The following SLC26A7 variants were observed in gnomAD, a reference collection of about 807,000 sequenced individuals.
The protein encoded by SLC26A7 is anion exchange transporter.
SLC26A7 carries 59 observed loss-of-function variants against 82.5 expected under a neutral mutation model. The observed-to-expected ratio is 0.72, with a 90% CI of 0.58 to 0.89. SLC26A7 has a LOEUF of 0.89. SLC26A7 is among the 40% of genes least tolerant of loss of function. SLC26A7 has a pLI of 0.00. For missense variants in SLC26A7, 820 were observed against 793.0 expected (o/e 1.03, Z -0.41); for synonymous variants, 271 against 274.3 (o/e 0.99, Z 0.12).
intron 2 of SLC26A7, among the ~76,000 whole-genome samples, chr8:91,232,023 T>G (rs1356970007): frequency 6.6e-6 from 1 of 152,182 alleles, no homozygotes; most frequent in Non-Finnish European, 1.5e-5. Context: ...GTGTGTAATA[T>G]AACAAAGACT....
At position 91,366,601 on chromosome 8, in the gene SLC26A7, A is replaced by C. The variant is rs760054849; in HGVS notation, c.1510A>C (p.Ile504Leu). The part of the protein sequence containing the change: ...MDSETLQQVK[I>L]ISINNPLVFL... The stretch of plus-strand genomic sequence containing the variant: ...AAAGGAAACCCTGCAGCAGGTGAAA[A>C]TTATCTCAATAAACAACCCGCTTGT... The change falls in exon 14 of 19, where the codon ATT becomes CTT. Residue 504 changes from isoleucine (I) to leucine (L), a missense_variant. Ile to Leu is a conservative substitution (Grantham distance 5, BLOSUM62 2). Coordinates refer to ENST00000276609, the MANE Select transcript of SLC26A7 (RefSeq NM_052832.4). The C allele has an allele frequency of 5.0e-6, 8 of 1,613,000 alleles. No homozygotes were observed. The East Asian group carries it at 1.8e-4, about 36-fold the overall frequency.
intron 1 of SLC26A7, among the ~76,000 whole-genome samples, chr8:91,211,616 A>ATATAT (rs1554597817): frequency 1.9e-4 from 26 of 137,532 alleles, no homozygotes; most frequent in African/African-American, 7.0e-4. Flanking sequence ...ATATATATAT[A>ATATAT]TTTTTTTTTT....
intron 2 of SLC26A7, among the ~76,000 whole-genome samples, chr8:91,284,237 G>A (rs1341363856): frequency 1.3e-5 from 2 of 152,120 alleles, no homozygotes; most frequent in Non-Finnish European, 2.9e-5. Context: ...TAGATCATCT[G>A]GGAAGAGGCA....
chr8:91,363,070 A>G (rs1349339343), intron 12 of SLC26A7, among the ~76,000 whole-genome samples: 2 of 152,066 alleles, frequency 1.3e-5, no homozygotes, highest in Non-Finnish European at 2.9e-5. Flanking sequence ...ATGTTGTTTT[A>G]TCTCTATAGA....
chr8:91,266,373 G>T (rs1204140727), intron 2 of SLC26A7, among the ~76,000 whole-genome samples: 1 of 151,516 alleles, frequency 6.6e-6, no homozygotes, highest in Non-Finnish European at 1.5e-5. Context: ...ATGAACATGG[G>T]ATGCCTTTTA....
intron 11 of SLC26A7, among the ~76,000 whole-genome samples, chr8:91,357,020 T>A (rs1813889021): frequency 6.6e-6 from 1 of 152,152 alleles, no homozygotes; most frequent in Admixed American, 6.5e-5. Flanking sequence ...CCATTCTTCA[T>A]CTTGTTTTAC....
chr8:91,213,112 T>C (rs1043312372), intron 1 of SLC26A7, among the ~76,000 whole-genome samples: 2 of 152,118 alleles, frequency 1.3e-5, no homozygotes, highest in Non-Finnish European at 2.9e-5. Flanking sequence ...ATGTTGAAAA[T>C]TCCTTGTGAA....
chr8:91,367,332 A>T (rs1814225412), intron 14 of SLC26A7, among the ~76,000 whole-genome samples: 1 of 152,196 alleles, frequency 6.6e-6, no homozygotes, highest in African/African-American at 2.4e-5. Flanking sequence ...TTTAAACAAA[A>T]AAGGCATTAG....
chr8:91,280,681 T>C, intron 2 of SLC26A7, among the ~76,000 whole-genome samples: 1 of 152,068 alleles, frequency 6.6e-6, no homozygotes, highest in East Asian at 1.9e-4. Context: ...TTCCCCTACT[T>C]TTTTTTTCTC....
In SLC26A7 at chr8:91,295,566, G is replaced by T. The variant is rs763579870; in HGVS notation, c.340G>T (p.Ala114Ser). 1 of 1,613,806 alleles carries T rather than the reference G, an allele frequency of 6.2e-7. No individual in the cohort carries two copies. The highest frequency in any genetic ancestry group is 8.5e-7 in the Non-Finnish European group (1 of 1,179,818). ...FALTSLISANAVERIVPQNMQ... is the reference protein window; with the variant it reads ...FALTSLISANSVERIVPQNMQ... ...CTTGACATCCTTAATATCAGCCAAC[G>T]CCGTGGAACGGATTGTCCCTCAGAA... Residue 114 changes from alanine to serine, a missense_variant, in exon 4 of 19, where the codon GCC becomes TCC. Transcript: ENST00000276609.
intron 15 of SLC26A7, among the ~76,000 whole-genome samples, chr8:91,379,041 G>A (rs537175557): frequency 6.6e-6 from 1 of 151,584 alleles, no homozygotes; most frequent in Non-Finnish European, 1.5e-5. Flanking sequence ...ATACATAAAA[G>A]CTACCATTTA....
chr8:91,328,832 G>A (rs970948954), intron 5 of SLC26A7, among the ~76,000 whole-genome samples: 9 of 152,044 alleles, frequency 5.9e-5, no homozygotes, highest in African/African-American at 1.9e-4. Context: ...ATAATGAGAA[G>A]CAGTACATGT....
chr8:91,335,853 C>T (rs373915145), intron 6 of SLC26A7, among the ~76,000 whole-genome samples: 2 of 152,238 alleles, frequency 1.3e-5, no homozygotes, highest in East Asian at 3.9e-4. Flanking sequence ...TTTTCCTAGT[C>T]GTTTATGTTC....
intron 2 of SLC26A7, among the ~76,000 whole-genome samples, chr8:91,276,750 A>T (rs1811417206): frequency 1.3e-5 from 2 of 152,182 alleles, no homozygotes; most frequent in Non-Finnish European, 2.9e-5. Context: ...TCTCAGACAA[A>T]GCCATAAACT....
chr8:91,215,880 C>T (rs1053884160), intron 1 of SLC26A7, among the ~76,000 whole-genome samples: 4 of 152,044 alleles, frequency 2.6e-5, no homozygotes, highest in Non-Finnish European at 4.4e-5. Flanking sequence ...GGACATATGT[C>T]GTACCAGTAG....
At chr8:91,239,497 T>C (rs1810445894) in intron 2 of SLC26A7, among the ~76,000 whole-genome samples, 1 of 150,860 alleles carries the variant, frequency 6.6e-6, no homozygotes, top group South Asian at 2.1e-4. Context: ...TATGTGTACA[T>C]ATATATACAC....
At chr8:91,227,191 C>T (rs1401443441) in intron 2 of SLC26A7, among the ~76,000 whole-genome samples, 1 of 152,196 alleles carries the variant, frequency 6.6e-6, no homozygotes, top group African/African-American at 2.4e-5. Flanking sequence ...CTAACAATTA[C>T]AACCAACTTT....
At chr8:91,294,436 G>A (rs1811961852) in intron 3 of SLC26A7, among the ~76,000 whole-genome samples, 1 of 151,992 alleles carries the variant, frequency 6.6e-6, no homozygotes, top group Non-Finnish European at 1.5e-5. Flanking sequence ...ACCAAGTATT[G>A]GCTGTGTTGA....
At chr8:91,383,512 T>G (rs1814718821) in intron 15 of SLC26A7, among the ~76,000 whole-genome samples, 2 of 152,164 alleles carry the variant, frequency 1.3e-5, no homozygotes, top group Non-Finnish European at 1.5e-5. Flanking sequence ...CCCCTAAAAA[T>G]CGTTTCAGAA....
Sources: allele counts gnomAD v4.1 joint callset (sites outside exome capture counted in the v4.1 genomes callset), GRCh38; gene constraint gnomAD v4.1.1; transcripts MANE v1.5; gene names NCBI Gene and HGNC (gene_info 2026-07-23, HGNC 2026-07-21).